Variants in MGAT4C observed in about 807,000 individuals in gnomAD.
MGAT4C encodes alpha-1,3-mannosyl-glycoprotein 4-beta-N-acetylglucosaminyltransferase C.
MGAT4C carries 19 observed loss-of-function variants against 40.1 expected under a neutral mutation model. That is an observed-to-expected ratio of 0.47 (90% CI 0.33 to 0.70). MGAT4C has a LOEUF of 0.70. Among genes scored for constraint, MGAT4C ranks in the 30% least tolerant of loss-of-function variants. The pLI, the probability that MGAT4C is intolerant of heterozygous loss-of-function variation, is 0.02. For missense variants in MGAT4C, 491 were observed against 563.2 expected, an observed-to-expected ratio of 0.87 and a Z score of 1.30; for synonymous variants, 181 against 187.1, an observed-to-expected ratio of 0.97 and a Z score of 0.27.
At chr12:86,217,578 A>G (rs996066767) in intron 1 of MGAT4C, among the ~76,000 whole-genome samples, 3 of 152,202 alleles carry the variant, frequency 2.0e-5, no homozygotes, top group Non-Finnish European at 2.9e-5. Context: ...AAATTTGCCA[A>G]TCTACATATT....
intron 2 of MGAT4C, among the ~76,000 whole-genome samples, chr12:86,700,574 T>A (rs1950343847): frequency 6.6e-6 from 1 of 152,070 alleles, no homozygotes; most frequent in Non-Finnish European, 1.5e-5. Context: ...TTCAGTAAGG[T>A]CAAGAAAAGG....
At chr12:86,720,404 T>C (rs1593149060) in intron 2 of MGAT4C, among the ~76,000 whole-genome samples, 1 of 152,360 alleles carries the variant, frequency 6.6e-6, no homozygotes, top group Admixed American at 6.5e-5. Flanking sequence ...GGAAACAGAC[T>C]TGACCTCCTA....
chr12:86,153,408 C>A (rs1474890276), intron 1 of MGAT4C, among the ~76,000 whole-genome samples: 3 of 152,258 alleles, frequency 2.0e-5, no homozygotes, highest in Admixed American at 1.3e-4. Flanking sequence ...GCATTGAATC[C>A]TTTGAAGACT....
At chr12:86,712,053 T>C (rs1009643436) in intron 2 of MGAT4C, among the ~76,000 whole-genome samples, 1 of 152,164 alleles carries the variant, frequency 6.6e-6, no homozygotes, top group Non-Finnish European at 1.5e-5. Flanking sequence ...AGTACCTGCA[T>C]ATACAATAAA....
intron 3 of MGAT4C, among the ~76,000 whole-genome samples, chr12:86,416,743 A>C (rs1454681089): frequency 6.6e-6 from 1 of 152,094 alleles, no homozygotes; most frequent in Non-Finnish European, 1.5e-5. Flanking sequence ...AACAAGATAC[A>C]ACATGCTCAA....
intron 4 of MGAT4C, among the ~76,000 whole-genome samples, chr12:86,306,123 A>T (rs1204414804): frequency 6.6e-6 from 1 of 150,454 alleles, no homozygotes; most frequent in Non-Finnish European, 1.5e-5. Context: ...ACAATTAGAG[A>T]TTATAATCAC....
intron 2 of MGAT4C, among the ~76,000 whole-genome samples, chr12:86,489,594 C>A (rs981961243): frequency 1.3e-5 from 2 of 152,208 alleles, no homozygotes; most frequent in Non-Finnish European, 2.9e-5. Context: ...CACAGGCACC[C>A]TGACCTGGAT....
intron 2 of MGAT4C, among the ~76,000 whole-genome samples, chr12:86,494,792 A>G (rs1030134269): frequency 6.6e-6 from 1 of 152,030 alleles, no homozygotes; most frequent in African/African-American, 2.4e-5. Context: ...TAATAAAAAT[A>G]GGCAACTAGT....
chr12:86,668,417 A>G (rs941545894), intron 2 of MGAT4C, among the ~76,000 whole-genome samples: 5 of 152,238 alleles, frequency 3.3e-5, no homozygotes, highest in Middle Eastern at 3.4e-3. Flanking sequence ...GATTTGGGCA[A>G]TCCACGAGGA....
At chr12:86,810,165 A>G (rs574148121) in intron 1 of MGAT4C, among the ~76,000 whole-genome samples, 1 of 151,688 alleles carries the variant, frequency 6.6e-6, no homozygotes, top group African/African-American at 2.4e-5. Context: ...CTGCATTTTC[A>G]TTTTTTTATA....
intron 1 of MGAT4C, among the ~76,000 whole-genome samples, chr12:86,813,392 C>G (rs188471427): frequency 1.4e-4 from 21 of 152,102 alleles, no homozygotes; most frequent in Non-Finnish European, 2.8e-4. Context: ...GATCTTTAAT[C>G]TACCTGATTT....
chr12:86,106,468 T>C (rs1027519935), intron 1 of MGAT4C, among the ~76,000 whole-genome samples: 1 of 152,156 alleles, frequency 6.6e-6, no homozygotes, highest in African/African-American at 2.4e-5. Flanking sequence ...GCCTGGCTAA[T>C]TTTTTTACAT....
At chr12:86,320,340 C>T (rs1025233060) in intron 4 of MGAT4C, among the ~76,000 whole-genome samples, 6 of 152,106 alleles carry the variant, frequency 3.9e-5, no homozygotes, top group Admixed American at 6.6e-5. Context: ...TAACTTTCTT[C>T]CAGCTCCTTG....
At chr12:86,395,948 T>G (rs1956253001) in intron 3 of MGAT4C, among the ~76,000 whole-genome samples, 2 of 152,196 alleles carry the variant, frequency 1.3e-5, no homozygotes, top group Non-Finnish European at 2.9e-5. Flanking sequence ...TTTTCTAAGC[T>G]GGATATTTTT....
intron 1 of MGAT4C, among the ~76,000 whole-genome samples, chr12:86,192,081 C>T (rs1889571520): frequency 9.1e-6 from 1 of 109,300 alleles, no homozygotes; most frequent in Non-Finnish European, 1.7e-5. Flanking sequence ...CATCACATAC[C>T]AGGGCCTGTT....
At chr12:86,651,796 T>G (rs1191138478) in intron 2 of MGAT4C, among the ~76,000 whole-genome samples, 1 of 151,880 alleles carries the variant, frequency 6.6e-6, no homozygotes, top group African/African-American at 2.4e-5. Context: ...AGTAGATGAA[T>G]GCTTACTTAT....
chr12:86,573,411 T>C (rs1960443994), intron 2 of MGAT4C, among the ~76,000 whole-genome samples: 3 of 152,070 alleles, frequency 2.0e-5, no homozygotes, highest in Admixed American at 2.0e-4. Flanking sequence ...TTCAGTGTTA[T>C]AAAAGAGAAA....
chr12:86,298,249 A>G (rs1953727800), intron 4 of MGAT4C, among the ~76,000 whole-genome samples: 1 of 152,168 alleles, frequency 6.6e-6, no homozygotes, highest in East Asian at 1.9e-4. Flanking sequence ...TAATAAACAT[A>G]AAATATTTAA....
intron 2 of MGAT4C, among the ~76,000 whole-genome samples, chr12:86,558,464 C>T (rs929691650): frequency 6.6e-6 from 1 of 152,030 alleles, no homozygotes; most frequent in African/African-American, 2.4e-5. Context: ...AAGAGAAAAG[C>T]ATGAAGTCAC....
Sources: gnomAD v4.1 joint callset for allele counts (sites outside exome capture counted in the v4.1 genomes callset) on GRCh38, gnomAD v4.1.1 for gene constraint, MANE v1.5 for transcripts, NCBI Gene and HGNC (gene_info 2026-07-23, HGNC 2026-07-21) for gene names.